NCOA2: variants seen among roughly 807,000 people sequenced by gnomAD.
NCOA2 encodes nuclear receptor coactivator 2, also known as class E basic helix-loop-helix protein 75.
In NCOA2, 21 loss-of-function variants were observed where a neutral mutation model predicts 145.1. The ratio of observed to expected loss-of-function variants is 0.14; its 90% CI spans 0.10 to 0.21. The LOEUF (loss-of-function observed/expected upper bound fraction) is 0.21. Ranked by LOEUF, NCOA2 falls within the 10% of genes least tolerant of loss-of-function variation. The pLI is 1.00. For missense variants in NCOA2, 1,472 were observed against 1,837.6 expected (o/e 0.80, Z 3.64); for synonymous variants, 619 against 637.5 (o/e 0.97, Z 0.44).
intron 16 of NCOA2, among the ~76,000 whole-genome samples, chr8:70,129,520 T>C (rs1170332178): frequency 6.6e-6 from 1 of 152,184 alleles, no homozygotes; most frequent in Admixed American, 6.5e-5. Flanking sequence ...TGGGGTCCAA[T>C]TCAGTTTGTG....
chr8:70,157,251 A>G lies in NCOA2; in HGVS notation c.1125-11T>C, dbSNP rs1251742819. ...CACACATTCTGCTCTCTGTATAACG[A>G]GAAAAGAAAAAAATGTAAGATAAAA... On this transcript the variant is annotated splice_polypyrimidine_tract_variant and intron_variant, in intron 10 of 22. Coordinates refer to ENST00000452400, the MANE Select transcript of NCOA2 (RefSeq NM_006540.4). 6.7e-7 allele frequency: 1 copy of G among 1,499,572 alleles called. No individual in the cohort carries two copies. The highest frequency in any genetic ancestry group is 2.3e-5 in the Admixed American group (1 of 43,964). The allele number at this position is 1,499,572 out of a possible 1,614,324, so 92.9% of individuals were successfully genotyped here.
intron 2 of NCOA2, among the ~76,000 whole-genome samples, chr8:70,258,532 A>G (rs1823851024): frequency 6.6e-6 from 1 of 152,158 alleles, no homozygotes; most frequent in Non-Finnish European, 1.5e-5. Context: ...TCACCAGCAA[A>G]TATTTTTAAC....
chr8:70,273,923 G>A (rs946296100), intron 2 of NCOA2: 8 of 413,062 alleles, frequency 1.9e-5, no homozygotes, highest in African/African-American at 1.7e-4. Flanking sequence ...TATTATGACT[G>A]CTTTTTAAGA....
intron 9 of NCOA2, among the ~76,000 whole-genome samples, chr8:70,159,868 G>C (rs949601090): frequency 1.3e-5 from 2 of 152,098 alleles, no homozygotes; most frequent in African/African-American, 4.8e-5. Context: ...TCAATTATCT[G>C]TTTTCCTTAT....
At chr8:70,228,276 C>T (rs1820843019) in intron 2 of NCOA2, among the ~76,000 whole-genome samples, 1 of 152,152 alleles carries the variant, frequency 6.6e-6, no homozygotes, top group Non-Finnish European at 1.5e-5. Context: ...GAGACACAGG[C>T]AAGTAGCTGT....
chr8:70,330,780 C>CT (rs1355660016), intron 1 of NCOA2, among the ~76,000 whole-genome samples: 9 of 152,138 alleles, frequency 5.9e-5, no homozygotes, highest in African/African-American at 2.4e-5. Context: ...ACAGGTTATG[C>CT]TTACGCAATC....
intron 1 of NCOA2, among the ~76,000 whole-genome samples, chr8:70,300,414 T>C (rs1827398948): frequency 6.6e-6 from 1 of 152,226 alleles, no homozygotes; most frequent in Non-Finnish European, 1.5e-5. Flanking sequence ...ATAGCTACAG[T>C]TTCCGCGTGA....
chr8:70,313,531 T>C (rs185967688), intron 1 of NCOA2, among the ~76,000 whole-genome samples: 35 of 152,236 alleles, frequency 2.3e-4, no homozygotes, highest in African/African-American at 7.2e-4. Flanking sequence ...AAGAGTTATT[T>C]TGAGAAAATA....
At chr8:70,360,909 G>A (rs930603563) in intron 1 of NCOA2, among the ~76,000 whole-genome samples, 2 of 145,790 alleles carry the variant, frequency 1.4e-5, no homozygotes, top group Non-Finnish European at 3.0e-5. Flanking sequence ...CTGCACTCCA[G>A]CCTGGGTGAC....
chr8:70,441,696 A>C, the NCOA2 span, among the ~76,000 whole-genome samples: 1,776 of 150,922 alleles, frequency 0.012, 29 homozygotes, highest in African/African-American at 0.041. Flanking sequence ...AGGAAGAAGA[A>C]AGAAAAGAAA....
chr8:70,442,766 A>G, the NCOA2 span, among the ~76,000 whole-genome samples: 1 of 152,124 alleles, frequency 6.6e-6, no homozygotes, highest in East Asian at 1.9e-4. Flanking sequence ...AGTCTTTAAT[A>G]ACCACTCCCC....
At chr8:70,344,758 G>C (rs527936998) in intron 1 of NCOA2, among the ~76,000 whole-genome samples, 1 of 152,306 alleles carries the variant, frequency 6.6e-6, no homozygotes, top group Admixed American at 6.5e-5. Flanking sequence ...CACAACATCA[G>C]TCAGGATTAT....
At chr8:70,333,336 C>G (rs965557334) in intron 1 of NCOA2, among the ~76,000 whole-genome samples, 4 of 152,170 alleles carry the variant, frequency 2.6e-5, no homozygotes, top group African/African-American at 9.7e-5. Context: ...TGTCCCATCA[C>G]CCTGAAGCTG....
chr8:70,199,130 T>G (rs757824374), intron 4 of NCOA2, among the ~76,000 whole-genome samples: 8 of 151,448 alleles, frequency 5.3e-5, no homozygotes, highest in Non-Finnish European at 8.8e-5. Context: ...AGCCAGTGAG[T>G]GAGGATGAAT....
At chr8:70,405,181 G>A (rs1814711789), upstream of NCOA2, among the ~76,000 whole-genome samples, 1 of 152,134 alleles carries the variant, frequency 6.6e-6, no homozygotes, top group Admixed American at 6.5e-5. Flanking sequence ...CAAAGCCCAT[G>A]CTTTTAAACA....
At chr8:70,166,880 C>T in intron 6 of NCOA2, 126 bp from the exon 7 acceptor site, 1 of 855,446 alleles carries the variant, frequency 1.2e-6, no homozygotes, top group South Asian at 1.9e-5. Flanking sequence ...TTATACTTGT[C>T]TAAATACTTT....
At chr8:70,172,647 T>C (rs1190952303) in intron 5 of NCOA2, among the ~76,000 whole-genome samples, 1 of 152,214 alleles carries the variant, frequency 6.6e-6, no homozygotes, top group Non-Finnish European at 1.5e-5. Flanking sequence ...GTGTGTGCAC[T>C]CAGGAGGTTA....
chr8:70,342,774 T>TAAACAC lies in NCOA2; in HGVS notation c.-76-45975_-76-45974insGTGTTT. On this transcript the variant is annotated intron_variant, in intron 1 of 22. Transcript: ENST00000452400. ...TTACACACTTTTCTTCTTTTGCAAT[T>TAAACAC]ACACACACACACACACACACACACA... Among the ~76,000 whole-genome samples, 3 of 124,130 alleles carry TAAACAC rather than the reference T, an allele frequency of 2.4e-5. No individual in the cohort carries two copies. The South Asian group carries it at 8.6e-4, about 36-fold the overall frequency. The allele number at this position is 124,130 out of a possible 152,430, so 81.4% of individuals were successfully genotyped here.
At chr8:70,423,953 T>C in the NCOA2 span, among the ~76,000 whole-genome samples, 514 of 152,340 alleles carry the variant, frequency 3.4e-3, 5 homozygotes, top group African/African-American at 0.012. Context: ...GCCTCTCCTG[T>C]GATTAACATC....
Sources: gnomAD v4.1 joint callset for allele counts (sites outside exome capture counted in the v4.1 genomes callset) on GRCh38, gnomAD v4.1.1 for gene constraint, MANE v1.5 for transcripts, NCBI Gene and HGNC (gene_info 2026-07-23, HGNC 2026-07-21) for gene names.